The following GPR84 variants were observed in gnomAD, a reference collection of about 807,000 sequenced individuals.
GPR84 encodes the protein G protein-coupled receptor 84.
A neutral mutation model predicts 14.9 loss-of-function variants in GPR84; 8 were observed. The observed-to-expected ratio is 0.54, with a 90% CI of 0.31 to 0.97. GPR84 has a LOEUF of 0.97. Among genes scored for constraint, GPR84 ranks in the 50% least tolerant of loss-of-function variants. The pLI is 0.04. For missense variants in GPR84, 424 were observed against 498.7 expected (o/e 0.85, Z 1.43); for synonymous variants, 164 against 198.1 (o/e 0.83, Z 1.45).
chr12:54,358,588 C>T (rs1213984504), downstream of GPR84, among the ~76,000 whole-genome samples: 2 of 152,030 alleles, frequency 1.3e-5, no homozygotes, highest in Non-Finnish European at 2.9e-5. Context: ...TTTTCCTTTT[C>T]AGAGCCATTG....
chr12:54,353,238 G>A, the GPR84 span, among the ~76,000 whole-genome samples: 1 of 152,078 alleles, frequency 6.6e-6, no homozygotes, highest in Non-Finnish European at 1.5e-5. Context: ...CTGGGAGCAG[G>A]GTCTGATTAT....
At chr12:54,350,724 A>C in the GPR84 span, 3 of 600,056 alleles carry the variant, frequency 5.0e-6, no homozygotes, top group African/African-American at 1.9e-5. Flanking sequence ...CAGTTCTGGG[A>C]GTAAAGCTCC....
the GPR84 span, among the ~76,000 whole-genome samples, chr12:54,355,480 A>C: frequency 6.6e-6 from 1 of 152,072 alleles, no homozygotes; most frequent in Non-Finnish European, 1.5e-5. Context: ...CCAGTATTCC[A>C]GATGCTCAAG....
the GPR84 span, among the ~76,000 whole-genome samples, chr12:54,354,553 C>T: frequency 6.6e-6 from 1 of 152,020 alleles, no homozygotes; most frequent in African/African-American, 2.4e-5. Context: ...TTGCCTCAGC[C>T]TCCCGAGTAG....
chr12:54,356,758 C>T, the GPR84 span, among the ~76,000 whole-genome samples: 1 of 152,192 alleles, frequency 6.6e-6, no homozygotes, highest in East Asian at 1.9e-4. Flanking sequence ...ACCAAGCATT[C>T]CCACCCGGGT....
downstream of GPR84, among the ~76,000 whole-genome samples, chr12:54,358,933 C>G (rs867366544): frequency 7.0e-4 from 107 of 152,250 alleles, no homozygotes; most frequent in African/African-American, 2.2e-3. Flanking sequence ...CCCATCCACA[C>G]CCCTCAAACT....
the GPR84 span, among the ~76,000 whole-genome samples, chr12:54,355,327 A>AGTGTGTGTGTGTGTGTGTGT: frequency 1.4e-5 from 2 of 146,846 alleles, no homozygotes; most frequent in African/African-American, 5.0e-5. Flanking sequence ...TGTGTGTGTG[A>AGTGTGTGTGTGTGTGTGTGT]GTGTGTGTGT....
At chr12:54,357,890 G>T (rs765684329), downstream of GPR84, among the ~76,000 whole-genome samples, 5 of 152,150 alleles carry the variant, frequency 3.3e-5, no homozygotes, top group Non-Finnish European at 5.9e-5. Context: ...TGCTTGGAAA[G>T]TTCCTCCCCT....
Position 54,363,553 on chromosome 12 carries a change from A to G in GPR84, c.299T>C (p.Leu100Pro). ...ATFCRVFGLLLFASNSVSILT... is the reference protein window; with the variant it reads ...ATFCRVFGLLPFASNSVSILT... ...GATGGAGACAGAATTGGAGGCAAAA[A>G]GGAGGAGCCCAAATACCCTGCAGAA... Residue 100 changes from leucine (L) to proline (P), a missense_variant, in exon 2 of 2, where the codon CTT becomes CCT. Physicochemically the swap from Leu to Pro is moderately conservative, Grantham distance 98. Transcript: ENST00000267015. 6.2e-7 allele frequency: 1 copy of G among 1,614,108 alleles called. No individual in the cohort carries two copies. The highest frequency in any genetic ancestry group is 8.5e-7 in the Non-Finnish European group (1 of 1,180,000).
At chr12:54,353,408 C>A in the GPR84 span, among the ~76,000 whole-genome samples, 1 of 151,940 alleles carries the variant, frequency 6.6e-6, no homozygotes, top group Non-Finnish European at 1.5e-5. Context: ...CAGACACCTG[C>A]CTGCCAGATG....
chr12:54,363,617 CCA>C lies in GPR84; in HGVS notation c.233_234del (p.Val78GlyfsTer48). ...CGCCAGTGCAGGTGGAGGTAGGTGT[CCA>C]CAGAGAAGGGCTGAAGGAGCGTGCA... ...LYCTLLQPFS[V>X]DTYLHLHWRT... is the part of the protein sequence containing the mutation. On this transcript the variant is annotated frameshift_variant, in exon 2 of 2. Coordinates refer to ENST00000267015, the MANE Select transcript of GPR84 (RefSeq NM_020370.3). LOFTEE classifies it high-confidence loss of function. 6.2e-7 allele frequency: 1 copy of C among 1,613,980 alleles called. No homozygotes were observed. The highest frequency in any genetic ancestry group is 8.5e-7 in the Non-Finnish European group (1 of 1,179,924).
At position 54,362,835 on chromosome 12, in the gene GPR84, G is replaced by A. The variant is rs141144289; in HGVS notation, c.1017C>T (p.Asn339=). 58 of 1,614,126 alleles carry A rather than the reference G, an allele frequency of 3.6e-5. No homozygotes were observed. In the African/African-American group the frequency reaches 4.8e-4, roughly 13 times the overall value. The change falls in exon 2 of 2, where the codon AAC becomes AAT. Residue 339 remains asparagine (N), a synonymous_variant. Coordinates refer to ENST00000267015, the MANE Select transcript of GPR84 (RefSeq NM_020370.3). This position sits in a 1 kb window ranked among gnomAD's most constrained non-coding sequence, Gnocchi z 4.0. Reference sequence around the variant, plus strand: ...GAGCCTGGACTCTGGCATCCAGAATGTTGAGCAGCAAGAAGGGGATGTAGC... The same window carrying A: ...GAGCCTGGACTCTGGCATCCAGAATATTGAGCAGCAAGAAGGGGATGTAGC... ...ALSYIPFLLL[N]ILDARVQAPR...
the GPR84 span, among the ~76,000 whole-genome samples, chr12:54,354,081 G>A: frequency 6.6e-6 from 1 of 151,364 alleles, no homozygotes; most frequent in Non-Finnish European, 1.5e-5. Flanking sequence ...TCTCTCTTTA[G>A]TGTTTGTCAT....
the GPR84 span, chr12:54,351,412 C>T: frequency 6.6e-6 from 1 of 152,278 alleles, no homozygotes; most frequent in Non-Finnish European, 1.5e-5. Flanking sequence ...TCTCTGTCCC[C>T]TCAGCTCCCC....
At chr12:54,360,827 T>C (rs1178523701), downstream of GPR84, among the ~76,000 whole-genome samples, 1 of 152,176 alleles carries the variant, frequency 6.6e-6, no homozygotes, top group Non-Finnish European at 1.5e-5. Context: ...CCCACACCGC[T>C]ACTTCCCCCA....
chr12:54,353,508 GA>G, the GPR84 span, among the ~76,000 whole-genome samples: 1 of 150,734 alleles, frequency 6.6e-6, no homozygotes, highest in Non-Finnish European at 1.5e-5. Context: ...CCAACAGGGT[GA>G]TTTACTGCTG....
At chr12:54,352,382 G>T in the GPR84 span, among the ~76,000 whole-genome samples, 1 of 152,144 alleles carries the variant, frequency 6.6e-6, no homozygotes, top group African/African-American at 2.4e-5. Context: ...ATGTGGCTGG[G>T]CTGGCGCAGC....
rs1211667726 is a variant in GPR84, at chr12:54,363,195, C to A, written c.657G>T (p.Gln219His). The A allele has an allele frequency of 1.2e-6, 2 of 1,614,206 alleles. No individual in the cohort carries two copies. Among genetic ancestry groups the A allele is most frequent in the Admixed American group, 3.3e-5 (2 of 60,014 alleles). ...AQALDQYKLR[Q>H]ASIHSNHVAR... ...CCACATGGTTGGAGTGGATGCTTGC[C>A]TGTCGCAACTTGTATTGGTCCAGTG... Residue 219 changes from glutamine to histidine, a missense_variant, in exon 2 of 2, where the codon CAG becomes CAT. Physicochemically the swap from Gln to His is conservative, Grantham distance 24 (BLOSUM62 0). Transcript: ENST00000267015.
chr12:54,358,248 C>T (rs976175691), downstream of GPR84, among the ~76,000 whole-genome samples: 2 of 152,142 alleles, frequency 1.3e-5, no homozygotes, highest in African/African-American at 2.4e-5. Context: ...GGGGAGCTTA[C>T]TGCAGCCTTG....
Sources: gnomAD v4.1 joint callset for allele counts (sites outside exome capture counted in the v4.1 genomes callset) on GRCh38, gnomAD v4.1.1 for gene constraint, Gnocchi (gnomAD v3.1) non-coding constraint, MANE v1.5 for transcripts, NCBI Gene and HGNC (gene_info 2026-07-23, HGNC 2026-07-21) for gene names.